Variants in GAGE10 observed in about 807,000 individuals in gnomAD.
The protein encoded by GAGE10 is G antigen 10.
In GAGE10, 9 loss-of-function variants were observed where a neutral mutation model predicts 11.5. That is an observed-to-expected ratio of 0.78 (90% CI 0.47 to 1.37). The LOEUF is 1.37. Ranked by LOEUF, GAGE10 falls within the 40% of genes most tolerant of loss-of-function variation. The pLI is 0.00. For missense variants in GAGE10, 83 were observed against 92.9 expected (o/e 0.89, Z 0.44); for synonymous variants, 23 against 29.7 (o/e 0.77, Z 0.73).
Position 49,304,575 on chromosome X carries a change from C to T in GAGE10, c.-8-277C>T, listed in dbSNP as rs184411375. 6.3e-5 allele frequency among the ~76,000 whole-genome samples: 7 copies of T among 111,188 alleles called. No homozygotes were observed. The Admixed American group carries it at 6.6e-4, about 10-fold the overall frequency. On this transcript the variant is annotated intron_variant, in intron 1 of 4. Coordinates refer to ENST00000407599, the MANE Select transcript of GAGE10 (RefSeq NM_001098413.4). The stretch of plus-strand genomic sequence containing the variant: ...GCTGTGATCACGCCGCTGCACTCTG[C>T]CAGAGCAACACAGGGAGACTGCGGG...
At chrX:49,311,259 T>C (rs1190619440) in intron 3 of GAGE10, among the ~76,000 whole-genome samples, 2 of 112,166 alleles carry the variant, frequency 1.8e-5, no homozygotes, top group Non-Finnish European at 3.8e-5. Context: ...TTAAATCGGC[T>C]GTATGAACAT....
intron 3 of GAGE10, among the ~76,000 whole-genome samples, chrX:49,315,564 T>C (rs1267426100): frequency 8.9e-6 from 1 of 112,077 alleles, no homozygotes; most frequent in East Asian, 2.8e-4. Flanking sequence ...GCAACACAAA[T>C]GAGAAATGCT....
rs376577624 is a variant in GAGE10 at position 49,317,277 on chromosome X, G to C, written c.317G>C (p.Arg106Thr). The change falls in exon 4 of 5, where the codon AGG becomes ACG. Residue 106 changes from arginine (R) to threonine (T), a missense_variant. Arg to Thr is a moderately conservative substitution (Grantham distance 71, BLOSUM62 -1). Coordinates refer to ENST00000407599, the MANE Select transcript of GAGE10 (RefSeq NM_001098413.4). ...MGLPNPEEVK[R>T]PEEGEKQSQC ...CTGCCAAATCCAGAGGAGGTGAAAA[G>C]GCCTGAAGAAGGTAGGGAATCCATT... 2.0e-5 allele frequency: 24 copies of C among 1,204,190 alleles called. No individual in the cohort carries two copies. The highest frequency in any genetic ancestry group is 6.0e-5 in the East Asian group (2 of 33,537).
At chrX:49,313,352 C>T (rs2066381478) in intron 3 of GAGE10, among the ~76,000 whole-genome samples, 1 of 112,096 alleles carries the variant, frequency 8.9e-6, no homozygotes, top group Non-Finnish European at 1.9e-5. Flanking sequence ...CAGGTCTTGC[C>T]CATGGTCCTC....
At chrX:49,317,813 G>A (rs2066400005) in intron 4 of GAGE10, among the ~76,000 whole-genome samples, 1 of 103,134 alleles carries the variant, frequency 9.7e-6, no homozygotes, top group Admixed American at 1.1e-4. Context: ...AAAGTTTTGA[G>A]TATAAATCCT....
At chrX:49,306,475 T>A (rs1362060432) in intron 3 of GAGE10, among the ~76,000 whole-genome samples, 1 of 112,320 alleles carries the variant, frequency 8.9e-6, no homozygotes, top group Non-Finnish European at 1.9e-5. Context: ...AGTTTCTATT[T>A]ACCTCAATAA....
chrX:49,307,019 C>A (rs1284921638), intron 3 of GAGE10, among the ~76,000 whole-genome samples: 1 of 111,334 alleles, frequency 9.0e-6, no homozygotes, highest in African/African-American at 3.3e-5. Context: ...TTAAAAAAAA[C>A]CTCCTGTCTT....
At chrX:49,308,692 A>C (rs1396152418) in intron 3 of GAGE10, among the ~76,000 whole-genome samples, 1 of 112,050 alleles carries the variant, frequency 8.9e-6, no homozygotes, top group Non-Finnish European at 1.9e-5. Context: ...ATAGAGTGGC[A>C]AGTGCAGCAA....
At chrX:49,308,453 C>T (rs1326986149) in intron 3 of GAGE10, among the ~76,000 whole-genome samples, 7 of 111,722 alleles carry the variant, frequency 6.3e-5, no homozygotes, top group East Asian at 5.6e-4. Flanking sequence ...GAACTGGAGA[C>T]GGGGCTGCAG....
chrX:49,308,892 C>T (rs1315054911), intron 3 of GAGE10, among the ~76,000 whole-genome samples: 10 of 111,406 alleles, frequency 9.0e-5, no homozygotes, highest in Non-Finnish European at 1.5e-4. Context: ...GGGAGAGGCC[C>T]GTTTTGTCCG....
At position 49,309,911 on chromosome X, in the gene GAGE10, A is replaced by G. The variant is rs2066370428; in HGVS notation, c.202+4387A>G. Among the ~76,000 whole-genome samples, 3 of 112,240 alleles carry G rather than the reference A, an allele frequency of 2.7e-5. No individual in the cohort carries two copies. The South Asian group carries it at 1.1e-3, about 41-fold the overall frequency. On this transcript the variant is annotated intron_variant, in intron 3 of 4. Coordinates refer to ENST00000407599, the MANE Select transcript of GAGE10 (RefSeq NM_001098413.4). ...CGAAGTTATGCTTACGCCTCTTACG[A>G]GGACAAAAGGACCCCCACTAGGACC... is the stretch of plus-strand genomic sequence containing the variant.
At chrX:49,315,402 C>A (rs2066388411) in intron 3 of GAGE10, among the ~76,000 whole-genome samples, 1 of 111,911 alleles carries the variant, frequency 8.9e-6, no homozygotes, top group Non-Finnish European at 1.9e-5. Context: ...GAAACAATCA[C>A]TAAATATTAT....
intron 4 of GAGE10, 78 bp downstream of exon 4, chrX:49,317,366 G>C (rs2066397052): frequency 8.0e-6 from 9 of 1,130,646 alleles, no homozygotes; most frequent in Non-Finnish European, 1.1e-5. Context: ...TTACATTTTT[G>C]AGATGGAGTC....
intron 4 of GAGE10, among the ~76,000 whole-genome samples, chrX:49,317,669 C>CAG (rs2066399262): frequency 9.0e-6 from 1 of 111,630 alleles, no homozygotes; most frequent in South Asian, 3.8e-4. Flanking sequence ...TTTTTAATAA[C>CAG]ACAGGTAACA....
intron 3 of GAGE10, among the ~76,000 whole-genome samples, chrX:49,315,972 A>C (rs180728976): frequency 8.9e-6 from 1 of 112,338 alleles, no homozygotes; most frequent in Non-Finnish European, 1.9e-5. Context: ...GTAGAAGAAG[A>C]AGCCCAGCTC....
At position 49,315,297 on chromosome X, in the gene GAGE10, AAAG is replaced by A. The variant is rs781797800; in HGVS notation, c.203-1860_203-1858del. Among the ~76,000 whole-genome samples the A allele has an allele frequency of 8.9e-5, 10 of 112,492 alleles. No individual in the cohort carries two copies. In the Admixed American group the frequency reaches 9.4e-4, roughly 11 times the overall value. ...GGGTATCCAGTTTATGAGGAAAATA[AAAG>A]AAGAACTAGAAGAAGCATATTCACA... On this transcript the variant is annotated intron_variant, in intron 3 of 4. Transcript: ENST00000407599.
chrX:49,315,866 CT>C (rs1225286822), intron 3 of GAGE10, among the ~76,000 whole-genome samples: 4 of 111,686 alleles, frequency 3.6e-5, no homozygotes, highest in Non-Finnish European at 5.6e-5. Context: ...TATTTTACCC[CT>C]GATTATTAGG....
intron 3 of GAGE10, among the ~76,000 whole-genome samples, chrX:49,309,540 C>T (rs1952910858): frequency 1.8e-5 from 2 of 112,053 alleles, no homozygotes; most frequent in African/African-American, 3.3e-5. Flanking sequence ...GCTGCTCTGA[C>T]GGCTACAGAG....
chrX:49,314,603 A>C (rs782307752), intron 3 of GAGE10, among the ~76,000 whole-genome samples: 2 of 112,557 alleles, frequency 1.8e-5, no homozygotes, highest in South Asian at 7.3e-4. Context: ...TTGGAGTTCC[A>C]CTACTAATTG....
Sources: gnomAD v4.1 joint callset for allele counts (sites outside exome capture counted in the v4.1 genomes callset) on GRCh38, gnomAD v4.1.1 for gene constraint, MANE v1.5 for transcripts, NCBI Gene and HGNC (gene_info 2026-07-23, HGNC 2026-07-21) for gene names.